DBP: variants seen among roughly 807,000 people sequenced by gnomAD.
DBP encodes D site-binding protein.
Under a neutral mutation model 21.4 loss-of-function variants are expected in DBP, and 12 were observed. The ratio of observed to expected loss-of-function variants is 0.56; its 90% CI spans 0.36 to 0.91. DBP has a LOEUF of 0.91. Among genes scored for constraint, DBP ranks in the 40% least tolerant of loss-of-function variants. The probability of loss-of-function intolerance (pLI) is 0.01; values close to 1 mark genes in which losing one functional copy is unlikely to be tolerated. For synonymous variants in DBP, 213 were observed against 224.9 expected (o/e 0.95, Z 0.47); for missense variants, 423 against 473.4 (o/e 0.89, Z 0.99).
At position 48,630,888 on chromosome 19, in the gene DBP, G is replaced by C; in HGVS notation, c.927C>G (p.Ser309=). 1 of 1,608,706 alleles carries C rather than the reference G, an allele frequency of 6.2e-7. No homozygotes were observed. Residue 309 remains serine, a synonymous_variant, in exon 4 of 4, where the codon TCC becomes TCG. Coordinates refer to ENST00000222122, the MANE Select transcript of DBP (RefSeq NM_001352.5). The surrounding 1 kb of genome is among the most constrained non-coding windows in gnomAD (Gnocchi z 4.9). ...QEVVAVRQEL[S]HYRAVLSRYQ... ...ATCGGGACAGCACGGCGCGGTAGTG[G>C]GACAGCTCCTGGCGCACGGCCACAA... is the stretch of plus-strand genomic sequence containing the variant.
At position 48,635,605 on chromosome 19, in the gene DBP, G is replaced by C. The variant is rs1162944001; in HGVS notation, c.525C>G (p.Leu175=). ...CTGCGCGGTGGCCGCTGGCGGTCCC[G>C]AGGGCAGCCCGGGCGGGGGCGTGCC... The part of the protein sequence containing the change: ...SPGHAPARAA[L]GTASGHRAGL... The change falls in exon 2 of 4, where the codon CTC becomes CTG. Residue 175 remains leucine (L), a synonymous_variant. Coordinates refer to ENST00000222122, the MANE Select transcript of DBP (RefSeq NM_001352.5). 25 of 1,354,714 alleles carry C rather than the reference G, an allele frequency of 1.8e-5. No individual in the cohort carries two copies. Among genetic ancestry groups the C allele is most frequent in the Admixed American group, 4.1e-5 (1 of 24,458 alleles). 83.9% of individuals were successfully genotyped at this position (1,354,714 alleles called of 1,614,324 possible).
intron 3 of DBP, 76 bp downstream of exon 3, chr19:48,633,368 C>T (rs762452753): frequency 6.9e-7 from 1 of 1,447,720 alleles, no homozygotes; most frequent in Non-Finnish European, 9.7e-7. Flanking sequence ...CCAGGCTTGA[C>T]TGTGAGAAAA....
At chr19:48,633,721 T>C in intron 2 of DBP, 66 bp from the exon 3 acceptor site, 1 of 1,412,066 alleles carries the variant, frequency 7.1e-7, no homozygotes, top group Non-Finnish European at 1.0e-6. Context: ...AAGCTACTTT[T>C]TGCTGTGGTA....
Position 48,630,147 on chromosome 19 carries a change from G to C in DBP, c.*690C>G. ...ACAGGACCTGGAATGTACTGGCTGG[G>C]GTAGGCCTCAGTGAGTCGGCCGGTC... On this transcript the variant is annotated 3_prime_UTR_variant, in exon 4 of 4. Coordinates refer to ENST00000222122, the MANE Select transcript of DBP (RefSeq NM_001352.5). The surrounding 1 kb of genome is among the most constrained non-coding windows in gnomAD (Gnocchi z 4.9). 8.0e-7 allele frequency: 1 copy of C among 1,250,940 alleles called. No homozygotes were observed. The highest frequency in any genetic ancestry group is 2.9e-5 in the South Asian group (1 of 34,100). 77.5% of individuals were successfully genotyped at this position (1,250,940 alleles called of 1,614,324 possible).
intron 2 of DBP, chr19:48,633,994 G>A (rs1205391643): frequency 3.0e-6 from 1 of 328,958 alleles, no homozygotes; most frequent in African/African-American, 2.1e-5. Context: ...CAGCTACTAG[G>A]GAGGCTGAGG....
chr19:48,634,256 C>T (rs2030700746), intron 2 of DBP: 1 of 155,066 alleles, frequency 6.4e-6, no homozygotes, highest in Non-Finnish European at 1.4e-5. Context: ...TGCTTCTACA[C>T]TTGATCTTAG....
At chr19:48,631,367 A>C in intron 3 of DBP, 1 of 350,172 alleles carries the variant, frequency 2.9e-6, no homozygotes, top group East Asian at 5.5e-5. Flanking sequence ...GTTCCCTAGC[A>C]ACAAGGCCTT....
intron 1 of DBP, among the ~76,000 whole-genome samples, chr19:48,636,359 C>A (rs1407336295): frequency 6.6e-6 from 1 of 152,024 alleles, no homozygotes; most frequent in Non-Finnish European, 1.5e-5. Context: ...TCTGTAATTT[C>A]ACTGTAATTA....
chr19:48,631,156 G>A, intron 3 of DBP, 104 bp from the exon 4 acceptor site: 2 of 979,336 alleles, frequency 2.0e-6, no homozygotes, highest in East Asian at 2.6e-5. Flanking sequence ...CCAGGTCTCT[G>A]CTGGGATAGG....
At chr19:48,635,517 C>A in intron 2 of DBP, 63 bp downstream of exon 2, 1 of 1,471,506 alleles carries the variant, frequency 6.8e-7, no homozygotes, top group Non-Finnish European at 9.0e-7. Flanking sequence ...CAGCGTCGCA[C>A]AGCCCCGCCC....
chr19:48,630,584 G>A lies in DBP; in HGVS notation c.*253C>T, dbSNP rs1464035709. Reference sequence around the variant, plus strand: ...CTCTGGGGTTCTCAAGATTTATTCAGGATCGTGTTAACGGAGGCGGTGGGA... The same window carrying A: ...CTCTGGGGTTCTCAAGATTTATTCAAGATCGTGTTAACGGAGGCGGTGGGA... On this transcript the variant is annotated 3_prime_UTR_variant, in exon 4 of 4. Coordinates refer to ENST00000222122, the MANE Select transcript of DBP (RefSeq NM_001352.5). This position sits in a 1 kb window ranked among gnomAD's most constrained non-coding sequence, Gnocchi z 4.9. 6.5e-7 allele frequency: 1 copy of A among 1,534,650 alleles called. No homozygotes were observed.
At position 48,631,056 on chromosome 19, in the gene DBP, CAGG is replaced by C. The variant is rs747172586; in HGVS notation, c.763-7_763-5del. The C allele has an allele frequency of 5.5e-5, 88 of 1,611,120 alleles. No homozygotes were observed. The highest frequency in any genetic ancestry group is 3.3e-4 in the Middle Eastern group (2 of 6,058). On this transcript the variant is annotated splice_region_variant and splice_polypyrimidine_tract_variant and intron_variant, in intron 3 of 3. Transcript: ENST00000222122. ...GCCGGCTCCAGTATTTCTCATCCTG[CAGG>C]AGAAGAGGGGGAGAGCACTGAGGTC... is the stretch of plus-strand genomic sequence containing the variant.
Position 48,637,248 on chromosome 19 carries a change from G to C in DBP, c.-254C>G. 1.3e-5 allele frequency: 5 copies of C among 398,096 alleles called. No homozygotes were observed. Among genetic ancestry groups the C allele is most frequent in the Non-Finnish European group, 2.2e-5 (5 of 223,570 alleles). The allele number at this position is 398,096 out of a possible 1,614,324, so 24.7% of individuals were successfully genotyped here. A position where few individuals can be genotyped will look rare whatever the true frequency, so the allele number is the denominator to read the frequency against. Reference sequence around the variant, plus strand: ...GGGCGAGGGGGTGTCCAGATCAAGCGGTCGGCTCTTTGCAACCGAGGGTGA... The same window carrying C: ...GGGCGAGGGGGTGTCCAGATCAAGCCGTCGGCTCTTTGCAACCGAGGGTGA... On this transcript the variant is annotated 5_prime_UTR_variant, in exon 1 of 4. Transcript: ENST00000222122.
At position 48,635,963 on chromosome 19, in the gene DBP, G is replaced by A. The variant is rs749095357; in HGVS notation, c.167C>T (p.Ala56Val). 3 of 1,523,172 alleles carry A rather than the reference G, an allele frequency of 2.0e-6. No homozygotes were observed. The highest frequency in any genetic ancestry group is 2.4e-5 in the South Asian group (2 of 83,712). The allele number at this position is 1,523,172 out of a possible 1,614,324, so 94.4% of individuals were successfully genotyped here. A position where few individuals can be genotyped will look rare whatever the true frequency, so the allele number is the denominator to read the frequency against. Residue 56 changes from alanine to valine, a missense_variant, in exon 2 of 4, where the codon GCG (alanine) becomes GTG (valine). Physicochemically the swap from Ala to Val is moderately conservative, Grantham distance 64. This residue lies in a region of DBP where 283 missense variants were observed against 273.7 expected (regional missense o/e 1.03). Transcript: ENST00000222122. ...AGGGGTTGTGGCTGCAGGCAGGGCC[G>A]CCTTGCGCTCCTTTTCCTTCAGGAG... ...SCLLKEKERK[A>V]ALPAATTPGP...
rs1347981517 is a variant in DBP, at chr19:48,637,064, C to G, written c.-70G>C. 7.2e-7 allele frequency: 1 copy of G among 1,381,140 alleles called. No homozygotes were observed. The highest frequency in any genetic ancestry group is 9.5e-7 in the Non-Finnish European group (1 of 1,050,258). The allele number at this position is 1,381,140 out of a possible 1,614,324, so 85.6% of individuals were successfully genotyped here. On this transcript the variant is annotated 5_prime_UTR_variant, in exon 1 of 4. Transcript: ENST00000222122. ...AGGGCTGGCCTGCCAGTCACCAGCACACTCCAGTGGTTTGGACGAGTGTCT... is the reference window on the plus strand; with the variant it reads ...AGGGCTGGCCTGCCAGTCACCAGCAGACTCCAGTGGTTTGGACGAGTGTCT...
rs1045822207 is a variant in DBP at position 48,630,148 on chromosome 19, G to A, written c.*689C>T. ...CAGGACCTGGAATGTACTGGCTGGG[G>A]TAGGCCTCAGTGAGTCGGCCGGTCA... On this transcript the variant is annotated 3_prime_UTR_variant, in exon 4 of 4. Coordinates refer to ENST00000222122, the MANE Select transcript of DBP (RefSeq NM_001352.5). This position sits in a 1 kb window ranked among gnomAD's most constrained non-coding sequence, Gnocchi z 4.9. 16 of 1,250,152 alleles carry A rather than the reference G, an allele frequency of 1.3e-5. No homozygotes were observed. The African/African-American group carries it at 2.3e-4, about 18-fold the overall frequency. The allele number at this position is 1,250,152 out of a possible 1,614,324, so 77.4% of individuals were successfully genotyped here. A position where few individuals can be genotyped will look rare whatever the true frequency, so the allele number is the denominator to read the frequency against.
chr19:48,630,955 G>A lies in DBP; in HGVS notation c.860C>T (p.Ala287Val), dbSNP rs995999854. 8 of 1,613,300 alleles carry A rather than the reference G, an allele frequency of 5.0e-6. No homozygotes were observed. The highest frequency in any genetic ancestry group is 6.8e-6 in the Non-Finnish European group (8 of 1,179,852). ...GGCGTTCTCCTTCTCCAGGAAGGCC[G>A]CCCGCACCGATATCTGGTTCTCCTT... The part of the protein sequence containing the change: ...RLKENQISVR[A>V]AFLEKENALL... Residue 287 changes from alanine (A) to valine (V), a missense_variant, in exon 4 of 4, where the codon GCG becomes GTG. Physicochemically the swap from Ala to Val is moderately conservative, Grantham distance 64. Around this residue, in one of 4 missense-constraint regions of DBP, gnomAD observed 30 missense variants for 70.9 expected, o/e 0.42. Coordinates refer to ENST00000222122, the MANE Select transcript of DBP (RefSeq NM_001352.5). The surrounding 1 kb of genome is among the most constrained non-coding windows in gnomAD (Gnocchi z 4.9).
chr19:48,633,717 C>G, intron 2 of DBP, 62 bp from the exon 3 acceptor site: 1 of 1,454,880 alleles, frequency 6.9e-7, no homozygotes, highest in African/African-American at 1.4e-5. Context: ...CCTGAAGCTA[C>G]TTTTTGCTGT....
intron 3 of DBP, chr19:48,631,328 C>T (rs2147708419): frequency 2.1e-6 from 1 of 468,180 alleles, no homozygotes. Context: ...GGCCTGCATG[C>T]AGTTAGCTCT....
Sources: allele counts gnomAD v4.1 joint callset (sites outside exome capture counted in the v4.1 genomes callset), GRCh38; gene constraint gnomAD v4.1.1; regional missense constraint gnomAD v4.1.1; non-coding constraint Gnocchi (gnomAD v3.1); transcripts MANE v1.5; gene names NCBI Gene and HGNC (gene_info 2026-07-23, HGNC 2026-07-21).